Variants in CHCHD6 observed in about 807,000 individuals in gnomAD.
The protein encoded by CHCHD6 is coiled-coil-helix-coiled-coil-helix domain containing 6, also known as MICOS complex subunit MIC25.
CHCHD6 carries 28 observed loss-of-function variants against 32.3 expected under a neutral mutation model. The observed-to-expected ratio is 0.87, with a 90% CI of 0.64 to 1.19. The LOEUF (loss-of-function observed/expected upper bound fraction) is 1.19, where lower values mean the gene tolerates loss of function less well. Among genes scored for constraint, CHCHD6 ranks in the 50% most tolerant of loss-of-function variants. The pLI is 0.00. For synonymous variants in CHCHD6, 122 were observed against 117.5 expected (o/e 1.04, Z -0.25); for missense variants, 333 against 307.0 (o/e 1.08, Z -0.63).
chr3:126,767,404 G>A (rs1256331620), intron 4 of CHCHD6: 2 of 742,704 alleles, frequency 2.7e-6, no homozygotes, highest in Non-Finnish European at 5.0e-6. Flanking sequence ...TGAGTCTGGG[G>A]GCTCCTACTC....
chr3:126,835,531 G>A (rs574324947), intron 4 of CHCHD6, among the ~76,000 whole-genome samples: 34 of 151,918 alleles, frequency 2.2e-4, no homozygotes, highest in Non-Finnish European at 1.5e-4. Flanking sequence ...ACACCTGGCC[G>A]GCTCTGCTCA....
At chr3:126,905,478 C>T (rs1005690304) in intron 5 of CHCHD6, among the ~76,000 whole-genome samples, 3 of 152,086 alleles carry the variant, frequency 2.0e-5, no homozygotes, top group South Asian at 2.1e-4. Flanking sequence ...AGAAGTGCAG[C>T]GCCTACAGGG....
intron 5 of CHCHD6, among the ~76,000 whole-genome samples, chr3:126,874,873 T>A (rs1306535386): frequency 6.6e-6 from 1 of 152,194 alleles, no homozygotes; most frequent in Non-Finnish European, 1.5e-5. Flanking sequence ...CCCTTCTGGC[T>A]GTCTGCCTGC....
intron 4 of CHCHD6, among the ~76,000 whole-genome samples, chr3:126,819,244 G>A (rs1195312603): frequency 6.6e-6 from 1 of 152,140 alleles, no homozygotes; most frequent in African/African-American, 2.4e-5. Context: ...CCTGAATTCT[G>A]ACAGCCACCC....
chr3:126,777,661 C>G (rs1937713802), intron 4 of CHCHD6, among the ~76,000 whole-genome samples: 1 of 152,208 alleles, frequency 6.6e-6, no homozygotes, highest in African/African-American at 2.4e-5. Context: ...GGTGGCAGCC[C>G]TGTAGCAGGC....
chr3:126,960,072 G>C, intron 7 of CHCHD6, 124 bp from the exon 8 acceptor site: 2 of 1,128,750 alleles, frequency 1.8e-6, no homozygotes, highest in Non-Finnish European at 2.6e-6. Flanking sequence ...GTCTCCAGGT[G>C]AGGAGGGAGA....
chr3:126,858,726 C>T (rs1041138745), intron 5 of CHCHD6, among the ~76,000 whole-genome samples: 10 of 152,210 alleles, frequency 6.6e-5, no homozygotes, highest in Non-Finnish European at 1.0e-4. Flanking sequence ...TGTTTGCACC[C>T]GGCCCGCTGG....
In CHCHD6 at chr3:126,727,059, C is replaced by G. The variant is rs568911379; in HGVS notation, c.88-19C>G. ...TCTGTGACATAACTTTTTCTTTTCCCTCTTTTCTGCTTCCTTAGCTGTCTG... is the reference window on the plus strand; with the variant it reads ...TCTGTGACATAACTTTTTCTTTTCCGTCTTTTCTGCTTCCTTAGCTGTCTG... On this transcript the variant is annotated intron_variant, in intron 1 of 7. Transcript: ENST00000290913. 8 of 1,583,724 alleles carry G rather than the reference C, an allele frequency of 5.1e-6. No homozygotes were observed. The highest frequency in any genetic ancestry group is 1.1e-5 in the South Asian group (1 of 89,880).
intron 5 of CHCHD6, among the ~76,000 whole-genome samples, chr3:126,867,070 G>T (rs532459307): frequency 6.6e-6 from 1 of 152,180 alleles, no homozygotes; most frequent in African/African-American, 2.4e-5. Flanking sequence ...TCATGCCAGT[G>T]CCTTGTTGCA....
chr3:126,804,520 TTGAATCTC>T (rs1220397901), intron 4 of CHCHD6, among the ~76,000 whole-genome samples: 2 of 152,162 alleles, frequency 1.3e-5, no homozygotes, highest in African/African-American at 4.8e-5. Context: ...CAGGAAGAAG[TTGAATCTC>T]TGAATAGACC....
At chr3:126,818,321 C>G (rs985729365) in intron 4 of CHCHD6, among the ~76,000 whole-genome samples, 1 of 152,098 alleles carries the variant, frequency 6.6e-6, no homozygotes, top group Non-Finnish European at 1.5e-5. Flanking sequence ...AAGGCCGAGC[C>G]CAGTCCCTTG....
At chr3:126,914,954 G>A (rs1049482837) in intron 6 of CHCHD6, among the ~76,000 whole-genome samples, 2 of 152,210 alleles carry the variant, frequency 1.3e-5, no homozygotes, top group African/African-American at 2.4e-5. Flanking sequence ...TTCTTATCTA[G>A]CTCCTTGGCA....
intron 5 of CHCHD6, among the ~76,000 whole-genome samples, chr3:126,856,297 T>A (rs529324988): frequency 3.3e-5 from 5 of 152,212 alleles, no homozygotes; most frequent in Non-Finnish European, 7.3e-5. Context: ...CCTGTACAGC[T>A]GTGTTCCATG....
At chr3:126,876,447 C>T (rs1182932989) in intron 5 of CHCHD6, among the ~76,000 whole-genome samples, 1 of 152,216 alleles carries the variant, frequency 6.6e-6, no homozygotes, top group Non-Finnish European at 1.5e-5. Flanking sequence ...GGCCAGCCTG[C>T]CAGAACTGTG....
rs2107675887 is a variant in CHCHD6 at position 126,768,780 on chromosome 3, C to T, written c.411+35558C>T. 1.3e-5 allele frequency among the ~76,000 whole-genome samples: 2 copies of T among 152,242 alleles called. 1 individual carries two copies. Among genetic ancestry groups the T allele is most frequent in the South Asian group, 4.1e-4 (2 of 4,828 alleles). ...TATTCTGACTGGTGTAAGATGGTAT[C>T]TCATTTTGATTTTGATTTGCATTTC... On this transcript the variant is annotated intron_variant, in intron 4 of 7. Coordinates refer to ENST00000290913, the MANE Select transcript of CHCHD6 (RefSeq NM_032343.3).
intron 4 of CHCHD6, among the ~76,000 whole-genome samples, chr3:126,787,899 G>C (rs1181267508): frequency 2.6e-5 from 4 of 152,138 alleles, no homozygotes; most frequent in Non-Finnish European, 4.4e-5. Context: ...TCCCTGTCTT[G>C]TGCCAGTTTT....
At chr3:126,805,931 A>G (rs1387948942) in intron 4 of CHCHD6, among the ~76,000 whole-genome samples, 2 of 152,244 alleles carry the variant, frequency 1.3e-5, no homozygotes, top group East Asian at 1.9e-4. Flanking sequence ...GACAAACCTG[A>G]GAAAAACAAG....
At chr3:126,737,910 G>A (rs539462891) in intron 4 of CHCHD6, among the ~76,000 whole-genome samples, 1 of 152,182 alleles carries the variant, frequency 6.6e-6, no homozygotes, top group South Asian at 2.1e-4. Context: ...TCTGTGGAAT[G>A]GTTTTCTGAA....
chr3:126,884,763 A>G (rs1345418567), intron 5 of CHCHD6, among the ~76,000 whole-genome samples: 1 of 152,242 alleles, frequency 6.6e-6, no homozygotes, highest in Non-Finnish European at 1.5e-5. Context: ...ACTCCAAAAC[A>G]TCAGACAGGT....
Sources: gnomAD v4.1 joint callset for allele counts (sites outside exome capture counted in the v4.1 genomes callset) on GRCh38, gnomAD v4.1.1 for gene constraint, MANE v1.5 for transcripts, NCBI Gene and HGNC (gene_info 2026-07-23, HGNC 2026-07-21) for gene names.